Variants in WNT3 observed in about 807,000 individuals in gnomAD.
WNT3 encodes Wnt family member 3, also known as proto-oncogene Wnt-3.
A neutral mutation model predicts 34.2 loss-of-function variants in WNT3; 7 were observed. That is an observed-to-expected ratio of 0.20 (90% CI 0.12 to 0.38). The LOEUF (loss-of-function observed/expected upper bound fraction) is 0.38. Ranked by LOEUF, WNT3 falls within the 10% of genes least tolerant of loss-of-function variation. The pLI is 1.00. For synonymous variants in WNT3, 212 were observed against 211.5 expected (o/e 1.00, Z -0.02); for missense variants, 267 against 499.8 (o/e 0.53, Z 4.44).
At chr17:46,777,261 G>A (rs915551716) in intron 1 of WNT3, among the ~76,000 whole-genome samples, 1 of 152,262 alleles carries the variant, frequency 6.6e-6, no homozygotes, top group Non-Finnish European at 1.5e-5. Flanking sequence ...GGACCAACTT[G>A]TGCGAGGTCA....
intron 1 of WNT3, among the ~76,000 whole-genome samples, chr17:46,777,348 C>T (rs376036958): frequency 2.0e-5 from 3 of 152,392 alleles, no homozygotes; most frequent in South Asian, 2.1e-4. Context: ...GCTGGCAAGG[C>T]GGCTCCTCAC....
chr17:46,802,972 T>A (rs907588655), intron 1 of WNT3, among the ~76,000 whole-genome samples: 1 of 152,166 alleles, frequency 6.6e-6, no homozygotes, highest in African/African-American at 2.4e-5. Flanking sequence ...CAGGAGCACA[T>A]GTAAAGCAGC....
chr17:46,815,055 T>C (rs943075219), intron 1 of WNT3, among the ~76,000 whole-genome samples: 1 of 152,038 alleles, frequency 6.6e-6, no homozygotes, highest in African/African-American at 2.4e-5. Flanking sequence ...TGGTCCTCAG[T>C]CACACAGCGG....
rs2084189990 is a variant in WNT3, at chr17:46,806,032, G to A, written c.80+12486C>T. Among the ~76,000 whole-genome samples the A allele has an allele frequency of 5.9e-5, 9 of 152,176 alleles. 1 individual carries two copies. In the South Asian group the frequency reaches 1.7e-3, roughly 28 times the overall value. ...AGTCTCTGCCTCCTGGGGTTGTCGG[G>A]AGGATGAGCTAATGTGTGTGCTTTG... On this transcript the variant is annotated intron_variant, in intron 1 of 4. Transcript: ENST00000225512.
chr17:46,790,053 G>T (rs59755414), intron 1 of WNT3, among the ~76,000 whole-genome samples: 2 of 152,024 alleles, frequency 1.3e-5, no homozygotes, highest in African/African-American at 4.8e-5. Context: ...AGTTCAAAGC[G>T]CTGGCTGCCC....
chr17:46,794,442 T>G (rs1010743331), intron 1 of WNT3, among the ~76,000 whole-genome samples: 2 of 152,144 alleles, frequency 1.3e-5, no homozygotes, highest in Non-Finnish European at 2.9e-5. Context: ...GGTCATCTGG[T>G]CCAGTTTGCA....
At chr17:46,789,416 C>T (rs193115067) in intron 1 of WNT3, among the ~76,000 whole-genome samples, 7 of 152,306 alleles carry the variant, frequency 4.6e-5, no homozygotes, top group East Asian at 1.9e-4. Flanking sequence ...CCAACACCAG[C>T]GTGGCAGGAT....
rs201405122 is a variant in WNT3 at position 46,818,575 on chromosome 17, A to T, written c.23T>A (p.Leu8Gln). ...GCCACCGAGCAGGAGGCCGAGGAGC[A>T]GCCCGAGCAGGTGGGGCTCCATTAG... is the stretch of plus-strand genomic sequence containing the variant. MEPHLLG[L>Q]LLGLLLGGTR... The change falls in exon 1 of 5, where the codon CTG (leucine) becomes CAG (glutamine). Residue 8 changes from leucine (L) to glutamine (Q), a missense_variant. Leu to Gln is a moderately radical substitution (Grantham distance 113, BLOSUM62 -2). Around this residue, in one of 3 missense-constraint regions of WNT3, gnomAD observed 26 missense variants for 25.8 expected, o/e 1.01. Transcript: ENST00000225512. The T allele has an allele frequency of 1.9e-5, 30 of 1,605,908 alleles. No individual in the cohort carries two copies. The Admixed American group carries it at 4.4e-4, about 24-fold the overall frequency.
At position 46,768,518 on chromosome 17, in the gene WNT3, C is replaced by T. The variant is rs911671681; in HGVS notation, c.870G>A (p.Thr290=). Reference sequence around the variant, plus strand: ...TCCGGTCCCTTGTGCCAAAGGAACCCGTCTCTGGGTTGGGCTCACAAAAGT... The same window carrying T: ...TCCGGTCCCTTGTGCCAAAGGAACCTGTCTCTGGGTTGGGCTCACAAAAGT... The part of the protein sequence containing the change: ...SPNFCEPNPE[T]GSFGTRDRTC... Residue 290 remains threonine, a synonymous_variant, in exon 4 of 5, where the codon ACG becomes ACA. Transcript: ENST00000225512. The surrounding 1 kb of genome is among the most constrained non-coding windows in gnomAD (Gnocchi z 5.0). The T allele has an allele frequency of 4.3e-6, 7 of 1,614,164 alleles. No homozygotes were observed. Among genetic ancestry groups the T allele is most frequent in the East Asian group, 2.2e-5 (1 of 44,876 alleles).
chr17:46,769,174 G>T (rs2059340570), intron 3 of WNT3, among the ~76,000 whole-genome samples: 1 of 152,092 alleles, frequency 6.6e-6, no homozygotes, highest in Non-Finnish European at 1.5e-5. Context: ...AAAATTAGCT[G>T]GTGTGGTGGC....
intron 3 of WNT3, among the ~76,000 whole-genome samples, chr17:46,769,482 G>A (rs763544322): frequency 2.6e-5 from 4 of 152,154 alleles, no homozygotes; most frequent in Non-Finnish European, 5.9e-5. Context: ...GGACTTGACA[G>A]CCCTACACCG....
chr17:46,769,934 T>C lies in WNT3; in HGVS notation c.437A>G (p.Lys146Arg). Reference protein sequence around the residue: ...STICGCDSHHKGPPGEGWKWG... With the variant: ...STICGCDSHHRGPPGEGWKWG... Reference sequence around the variant, plus strand: ...CTTCCAGCCTTCGCCAGGCGGCCCCTTATGATGCGAGTCACAGCCGCAAAT... The same window carrying C: ...CTTCCAGCCTTCGCCAGGCGGCCCCCTATGATGCGAGTCACAGCCGCAAAT... Residue 146 changes from lysine (K) to arginine (R), a missense_variant, in exon 3 of 5, where the codon AAG (lysine) becomes AGG (arginine). By Grantham distance (26) the Lys-to-Arg change is conservative. This residue lies in a region of WNT3 where 181 missense variants were observed against 391.3 expected (regional missense o/e 0.46). Coordinates refer to ENST00000225512, the MANE Select transcript of WNT3 (RefSeq NM_030753.5). 6.2e-7 allele frequency: 1 copy of C among 1,613,388 alleles called. No homozygotes were observed. Among genetic ancestry groups the C allele is most frequent in the Non-Finnish European group, 8.5e-7 (1 of 1,179,866 alleles).
chr17:46,768,895 A>G lies in WNT3; in HGVS notation c.589-96T>C. On this transcript the variant is annotated intron_variant, in intron 3 of 4. Transcript: ENST00000225512. This position sits in a 1 kb window ranked among gnomAD's most constrained non-coding sequence, Gnocchi z 5.0. ...TGCCACTGCCCACCCCCTTCCCTCC[A>G]GCCTTCTCTACTCCTCTGTGACAGG... 2 of 1,526,448 alleles carry G rather than the reference A, an allele frequency of 1.3e-6. No individual in the cohort carries two copies. Among genetic ancestry groups the G allele is most frequent in the Non-Finnish European group, 1.8e-6 (2 of 1,136,318 alleles). 94.6% of individuals were successfully genotyped at this position (1,526,448 alleles called of 1,614,324 possible).
intron 1 of WNT3, among the ~76,000 whole-genome samples, chr17:46,780,271 G>T (rs1330217013): frequency 6.6e-6 from 1 of 152,106 alleles, no homozygotes; most frequent in Non-Finnish European, 1.5e-5. Flanking sequence ...GTGCTGCCAG[G>T]GACACCCACT....
At chr17:46,811,546 C>G (rs929695963) in intron 1 of WNT3, among the ~76,000 whole-genome samples, 1 of 152,172 alleles carries the variant, frequency 6.6e-6, no homozygotes, top group Non-Finnish European at 1.5e-5. Context: ...TCTCCAGCCC[C>G]CATGGCCCAC....
chr17:46,770,135 G>C (rs1355508129), intron 2 of WNT3, 87 bp from the exon 3 acceptor site: 6 of 1,449,278 alleles, frequency 4.1e-6, no homozygotes, highest in Middle Eastern at 4.9e-4. Context: ...GGACGTGAGG[G>C]GAACGAGGCC....
intron 2 of WNT3, among the ~76,000 whole-genome samples, chr17:46,772,424 G>T (rs2059382298): frequency 6.6e-6 from 1 of 152,206 alleles, no homozygotes; most frequent in Non-Finnish European, 1.5e-5. Flanking sequence ...GAGGTGACTC[G>T]CTTTTGGGGA....
At chr17:46,801,389 G>A (rs985786542) in intron 1 of WNT3, among the ~76,000 whole-genome samples, 2 of 152,360 alleles carry the variant, frequency 1.3e-5, no homozygotes, top group African/African-American at 4.8e-5. Flanking sequence ...GGAGGCTGAG[G>A]TGGGCACATC....
At chr17:46,764,949 G>A (rs1253430778) in intron 4 of WNT3, among the ~76,000 whole-genome samples, 3 of 152,364 alleles carry the variant, frequency 2.0e-5, no homozygotes, top group Admixed American at 6.5e-5. Flanking sequence ...CTGGCCGAGG[G>A]CCCAGTCCCC....
Sources: allele counts gnomAD v4.1 joint callset (sites outside exome capture counted in the v4.1 genomes callset), GRCh38; gene constraint gnomAD v4.1.1; regional missense constraint gnomAD v4.1.1; non-coding constraint Gnocchi (gnomAD v3.1); transcripts MANE v1.5; gene names NCBI Gene and HGNC (gene_info 2026-07-23, HGNC 2026-07-21).